The following ANKS1B variants were observed in gnomAD, a reference collection of about 807,000 sequenced individuals.
ANKS1B encodes ankyrin repeat and sterile alpha motif domain-containing protein 1B.
Under a neutral mutation model 148.3 loss-of-function variants are expected in ANKS1B, and 36 were observed. That is an observed-to-expected ratio of 0.24 (90% CI 0.19 to 0.32). The LOEUF (loss-of-function observed/expected upper bound fraction) is 0.32. Ranked by LOEUF, ANKS1B falls within the 10% of genes least tolerant of loss-of-function variation. ANKS1B has a pLI of 1.00. For missense variants in ANKS1B, 1,157 were observed against 1,542.6 expected (o/e 0.75, Z 4.19); for synonymous variants, 542 against 560.8 (o/e 0.97, Z 0.47).
At chr12:99,137,683 T>A (rs1283159418) in intron 15 of ANKS1B, among the ~76,000 whole-genome samples, 1 of 152,130 alleles carries the variant, frequency 6.6e-6, no homozygotes, top group Non-Finnish European at 1.5e-5. Flanking sequence ...GTTATGTATT[T>A]CCTCTTTTCA....
chr12:98,764,937 G>A (rs1348352598), intron 25 of ANKS1B, among the ~76,000 whole-genome samples: 2 of 152,216 alleles, frequency 1.3e-5, no homozygotes, highest in East Asian at 3.9e-4. Context: ...GAGCAGGGAT[G>A]TGTGTCTAAT....
rs2097853820 is a variant in ANKS1B at position 98,745,220 on chromosome 12, G to A, written c.*519C>T. 2.0e-6 allele frequency: 2 copies of A among 985,448 alleles called. No homozygotes were observed. The allele number at this position is 985,448 out of a possible 1,614,324, so 61.0% of individuals were successfully genotyped here. On this transcript the variant is annotated 3_prime_UTR_variant, in exon 27 of 27. Transcript: ENST00000683438. ...AGAATCTCCTGGCAATCATATCACG[G>A]GAGTTGTTTTTGTCCTTTTGCATTA...
Position 99,508,905 on chromosome 12 carries a change from G to T in ANKS1B, c.1273-4264C>A, listed in dbSNP as rs1193670569. ...ATTTTTAAAAAAATAAAGATTTATGGCAACCGGGCATTGAGCAAGTCTATC... is the reference window on the plus strand; with the variant it reads ...ATTTTTAAAAAAATAAAGATTTATGTCAACCGGGCATTGAGCAAGTCTATC... On this transcript the variant is annotated intron_variant, in intron 9 of 26. Coordinates refer to ENST00000683438, the MANE Select transcript of ANKS1B (RefSeq NM_001352186.2). Among the ~76,000 whole-genome samples, 3 of 151,748 alleles carry T rather than the reference G, an allele frequency of 2.0e-5. No individual in the cohort carries two copies. In the East Asian group the frequency reaches 5.8e-4, roughly 29 times the overall value.
intron 14 of ANKS1B, among the ~76,000 whole-genome samples, chr12:99,170,465 G>C (rs146745359): frequency 8.5e-5 from 13 of 152,290 alleles, no homozygotes; most frequent in African/African-American, 3.1e-4. Flanking sequence ...TCTATCTCAT[G>C]GTTTTATTTG....
At chr12:99,758,969 A>T (rs1270915088) in intron 8 of ANKS1B, among the ~76,000 whole-genome samples, 1 of 151,932 alleles carries the variant, frequency 6.6e-6, no homozygotes, top group African/African-American at 2.4e-5. Flanking sequence ...GAAAAGATAT[A>T]ACATGTCAAT....
intron 8 of ANKS1B, among the ~76,000 whole-genome samples, chr12:99,694,649 C>A (rs575448037): frequency 6.6e-6 from 1 of 152,058 alleles, no homozygotes. Context: ...ACAGAATTAT[C>A]CATGTCTAGT....
intron 22 of ANKS1B, among the ~76,000 whole-genome samples, chr12:98,790,368 CATCTGT>C (rs2098837550): frequency 1.3e-5 from 2 of 152,184 alleles, no homozygotes; most frequent in African/African-American, 4.8e-5. Flanking sequence ...TTAGTTACTT[CATCTGT>C]AAACGGGTAT....
chr12:99,882,449 C>T (rs61940326), intron 1 of ANKS1B, among the ~76,000 whole-genome samples: 30,099 of 152,090 alleles, frequency 0.2, 3,260 homozygotes, highest in Non-Finnish European at 0.25. Flanking sequence ...CCAAAATACC[C>T]ATACCTAGAC....
chr12:98,942,108 GTA>G (rs2099837707), intron 17 of ANKS1B, among the ~76,000 whole-genome samples: 1 of 151,888 alleles, frequency 6.6e-6, no homozygotes, highest in African/African-American at 2.4e-5. Flanking sequence ...GGGCATGGTG[GTA>G]TGTGCCTGTA....
intron 12 of ANKS1B, among the ~76,000 whole-genome samples, chr12:99,273,915 T>C (rs1386001105): frequency 6.6e-6 from 1 of 151,976 alleles, no homozygotes; most frequent in Non-Finnish European, 1.5e-5. Context: ...GCTAATCAGC[T>C]ATTGTTAGTG....
intron 15 of ANKS1B, among the ~76,000 whole-genome samples, chr12:99,098,160 G>T (rs1347044134): frequency 6.6e-6 from 1 of 152,190 alleles, no homozygotes; most frequent in African/African-American, 2.4e-5. Context: ...TGAGAAAATG[G>T]AAGCATAAAG....
intron 17 of ANKS1B, among the ~76,000 whole-genome samples, chr12:98,864,030 C>T (rs929181718): frequency 4.6e-5 from 7 of 152,072 alleles, no homozygotes; most frequent in Admixed American, 6.5e-5. Context: ...CTTCAATAAC[C>T]GTAAGAGCTG....
At chr12:99,379,664 T>G (rs970018364) in intron 12 of ANKS1B, among the ~76,000 whole-genome samples, 3 of 152,114 alleles carry the variant, frequency 2.0e-5, no homozygotes, top group Non-Finnish European at 4.4e-5. Flanking sequence ...AAGTACAACA[T>G]AGTAAAGCTA....
intron 9 of ANKS1B, among the ~76,000 whole-genome samples, chr12:99,622,904 T>C (rs1555515302): frequency 6.6e-6 from 1 of 151,946 alleles, no homozygotes; most frequent in Non-Finnish European, 1.5e-5. Flanking sequence ...ATGAAACCAG[T>C]ATCACCATGA....
At position 98,745,491 on chromosome 12, in the gene ANKS1B, C is replaced by CG; in HGVS notation, c.*247dup. The CG allele has an allele frequency of 2.6e-6, 3 of 1,156,690 alleles. No individual in the cohort carries two copies. The highest frequency in any genetic ancestry group is 3.2e-6 in the Non-Finnish European group (3 of 939,158). 71.7% of individuals were successfully genotyped at this position (1,156,690 alleles called of 1,614,324 possible). Reference sequence around the variant, plus strand: ...CTTGGGAGGTGGTGGGGAGGGGAGTCGGGAGCATCAGGGAAAACCCATCTC... The same window carrying CG: ...CTTGGGAGGTGGTGGGGAGGGGAGTCGGGGAGCATCAGGGAAAACCCATCTC... On this transcript the variant is annotated 3_prime_UTR_variant, in exon 27 of 27. Transcript: ENST00000683438.
At chr12:98,907,678 G>A (rs2099781245) in intron 17 of ANKS1B, among the ~76,000 whole-genome samples, 1 of 152,142 alleles carries the variant, frequency 6.6e-6, no homozygotes, top group African/African-American at 2.4e-5. Flanking sequence ...TTTGGTGGGT[G>A]ATATAGTTTG....
intron 25 of ANKS1B, among the ~76,000 whole-genome samples, chr12:98,768,722 A>G: frequency 6.9e-6 from 1 of 144,258 alleles, no homozygotes; most frequent in South Asian, 2.2e-4. Context: ...CGACAGAGCG[A>G]GACTCCATCT....
chr12:99,809,809 C>T (rs2068100522), intron 3 of ANKS1B, among the ~76,000 whole-genome samples: 2 of 152,040 alleles, frequency 1.3e-5, no homozygotes, highest in Non-Finnish European at 2.9e-5. Context: ...GAAGCCCTGA[C>T]TATAATGCAT....
intron 8 of ANKS1B, among the ~76,000 whole-genome samples, chr12:99,678,491 C>A (rs1278470294): frequency 1.3e-5 from 2 of 152,106 alleles, no homozygotes; most frequent in African/African-American, 4.8e-5. Flanking sequence ...TAACTTGGAA[C>A]AAATGTCACA....
Sources: allele counts gnomAD v4.1 joint callset (sites outside exome capture counted in the v4.1 genomes callset), GRCh38; gene constraint gnomAD v4.1.1; transcripts MANE v1.5; gene names NCBI Gene and HGNC (gene_info 2026-07-23, HGNC 2026-07-21).